CLSTN1: variants seen among roughly 807,000 people sequenced by gnomAD.
The protein encoded by CLSTN1 is calsyntenin-1.
CLSTN1 carries 28 observed loss-of-function variants against 108.3 expected under a neutral mutation model. The observed-to-expected ratio is 0.26, with a 90% confidence interval of 0.19 to 0.35. CLSTN1 has a LOEUF of 0.35. Ranked by LOEUF, CLSTN1 falls within the 10% of genes least tolerant of loss-of-function variation. CLSTN1 has a pLI of 1.00. For synonymous variants in CLSTN1, 524 were observed against 534.9 expected (o/e 0.98, Z 0.28); for missense variants, 1,157 against 1,302.6 (o/e 0.89, Z 1.72).
chr1:9,803,716 T>A (rs539864330), intron 1 of CLSTN1, among the ~76,000 whole-genome samples: 1 of 151,972 alleles, frequency 6.6e-6, no homozygotes, highest in African/African-American at 2.4e-5. Flanking sequence ...GGCACAAGAA[T>A]TGCTTGAACC....
chr1:9,735,927 C>T lies in CLSTN1; in HGVS notation c.1692G>A (p.Gly564=). The change falls in exon 12 of 19, where the codon GGG becomes GGA. Residue 564 remains glycine (G), a synonymous_variant. Coordinates refer to ENST00000377298, the MANE Select transcript of CLSTN1 (RefSeq NM_001009566.3). ...VIDCLYTCKE[G]LDLQVLEDSG... ...TGTCTTCGAGGACCTGCAGGTCCAG[C>T]CCCTCCTTGCAGGTATACAGACAGT... 1 of 1,614,192 alleles carries T rather than the reference C, an allele frequency of 6.2e-7. No homozygotes were observed. The highest frequency in any genetic ancestry group is 8.5e-7 in the Non-Finnish European group (1 of 1,180,046).
At position 9,749,586 on chromosome 1, in the gene CLSTN1, A is replaced by G. The variant is rs1651449732; in HGVS notation, c.860T>C (p.Ile287Thr). 6.2e-7 allele frequency: 1 copy of G among 1,614,122 alleles called. No homozygotes were observed. The highest frequency in any genetic ancestry group is 8.5e-7 in the Non-Finnish European group (1 of 1,180,020). Residue 287 changes from isoleucine to threonine, a missense_variant, in exon 7 of 19, where the codon ATC (isoleucine) becomes ACC (threonine). Ile to Thr is a moderately conservative substitution (Grantham distance 89). Transcript: ENST00000377298. Reference protein sequence around the residue: ...GTGALAVFPNIHLETCDEPVA... With the variant: ...GTGALAVFPNTHLETCDEPVA... ...TGGCTCGTCACATGTCTCCAGGTGG[A>G]TATTTGGAAAGACGGCCAACGCGCC...
In CLSTN1 at chr1:9,757,248, T is replaced by TTG. The variant is rs200838588; in HGVS notation, c.215-739_215-738insCA. 4.1e-3 allele frequency among the ~76,000 whole-genome samples: 628 copies of TTG among 151,602 alleles called. 10 individuals are homozygous for TTG. In the East Asian group the frequency reaches 0.042, roughly 10 times the overall value. On this transcript the variant is annotated intron_variant, in intron 2 of 18. Coordinates refer to ENST00000377298, the MANE Select transcript of CLSTN1 (RefSeq NM_001009566.3). ...AACAAAAATTTGGAGCAAAAGGTTTTTTTTTTTTTTTGAGATGGAGTCTTG... is the reference window on the plus strand; with the variant it reads ...AACAAAAATTTGGAGCAAAAGGTTTTTGTTTTTTTTTTTGAGATGGAGTCTTG...
At chr1:9,813,155 ACT>A (rs1269121430) in intron 1 of CLSTN1, among the ~76,000 whole-genome samples, 2 of 151,994 alleles carry the variant, frequency 1.3e-5, no homozygotes, top group South Asian at 2.1e-4. Context: ...ACAGGGCAAG[ACT>A]CTGTCTAATA....
At chr1:9,773,541 G>A (rs1163081814) in intron 1 of CLSTN1, 147 bp from the exon 2 acceptor site, 1 of 668,632 alleles carries the variant, frequency 1.5e-6, no homozygotes, top group Non-Finnish European at 2.3e-6. Flanking sequence ...GCAAAATTTG[G>A]TATCAAGACC....
chr1:9,774,942 T>C (rs1044521464), intron 1 of CLSTN1, among the ~76,000 whole-genome samples: 62 of 152,218 alleles, frequency 4.1e-4, no homozygotes, highest in Non-Finnish European at 7.2e-4. Context: ...TCCTCCCCAT[T>C]TTAGAGCACA....
intron 7 of CLSTN1, among the ~76,000 whole-genome samples, chr1:9,746,499 T>C (rs1434848006): frequency 6.6e-6 from 1 of 152,160 alleles, no homozygotes; most frequent in East Asian, 1.9e-4. Context: ...GCAGATCAAC[T>C]GAGGTCAAGA....
At chr1:9,735,427 AT>A (rs1410506360) in intron 13 of CLSTN1, 39 bp downstream of exon 13, 1 of 1,613,752 alleles carries the variant, frequency 6.2e-7, no homozygotes, top group African/African-American at 1.3e-5. Flanking sequence ...TACAAGTGTC[AT>A]TGGGCAAAAC....
At chr1:9,810,338 T>C (rs968390636) in intron 1 of CLSTN1, among the ~76,000 whole-genome samples, 1 of 145,988 alleles carries the variant, frequency 6.8e-6, no homozygotes, top group African/African-American at 2.5e-5. Context: ...TAGTCAGGTG[T>C]GGGAGTGTAC....
chr1:9,766,553 G>A lies in CLSTN1; in HGVS notation c.214+6719C>T, dbSNP rs1478657807. Among the ~76,000 whole-genome samples, 4 of 152,048 alleles carry A rather than the reference G, an allele frequency of 2.6e-5. No individual in the cohort carries two copies. In the East Asian group the frequency reaches 5.8e-4, roughly 22 times the overall value. ...TGCACGCCTGTGATCCCAGCTACTC[G>A]AGAGGCTGAGGCATGAGAATTGCTT... On this transcript the variant is annotated intron_variant, in intron 2 of 18. Transcript: ENST00000377298.
chr1:9,800,887 C>G (rs553717621), intron 1 of CLSTN1, among the ~76,000 whole-genome samples: 57 of 151,496 alleles, frequency 3.8e-4, no homozygotes, highest in Non-Finnish European at 7.7e-4. Flanking sequence ...TGCAGTGAGC[C>G]GAGATTGCAC....
At position 9,771,439 on chromosome 1, in the gene CLSTN1, C is replaced by A. The variant is rs538007016; in HGVS notation, c.214+1833G>T. On this transcript the variant is annotated intron_variant, in intron 2 of 18. Transcript: ENST00000377298. ...GACCAGCCTGGCCAATATGGTGAAACCCCATCTCTACTAAAAATACAAAAA... is the reference window on the plus strand; with the variant it reads ...GACCAGCCTGGCCAATATGGTGAAAACCCATCTCTACTAAAAATACAAAAA... Among the ~76,000 whole-genome samples, 183 of 152,200 alleles carry A rather than the reference C, an allele frequency of 1.2e-3. 2 individuals carry two copies. Among genetic ancestry groups the A allele is most frequent in the Middle Eastern group, 0.01 (3 of 294 alleles).
intron 1 of CLSTN1, among the ~76,000 whole-genome samples, chr1:9,815,841 C>T (rs1654947307): frequency 6.6e-6 from 1 of 152,154 alleles, no homozygotes; most frequent in Non-Finnish European, 1.5e-5. Context: ...GAGGCTGAGG[C>T]AGGAGAATCT....
chr1:9,732,943 C>T (rs944516079), intron 16 of CLSTN1, among the ~76,000 whole-genome samples: 21 of 152,350 alleles, frequency 1.4e-4, no homozygotes, highest in Non-Finnish European at 2.9e-4. Flanking sequence ...GTAATCCTAG[C>T]ACTTTTGGAG....
intron 1 of CLSTN1, among the ~76,000 whole-genome samples, chr1:9,779,302 G>A (rs1269004626): frequency 6.6e-6 from 1 of 152,286 alleles, no homozygotes; most frequent in Non-Finnish European, 1.5e-5. Context: ...GACGGGTGCA[G>A]TGGCTCATGC....
At chr1:9,792,848 A>T (rs1415287535) in intron 1 of CLSTN1, among the ~76,000 whole-genome samples, 1 of 151,234 alleles carries the variant, frequency 6.6e-6, no homozygotes, top group Non-Finnish European at 1.5e-5. Context: ...GCAGCTGTTC[A>T]TGTGTGAATG....
intron 1 of CLSTN1, among the ~76,000 whole-genome samples, chr1:9,814,899 CA>C (rs35955812): frequency 0.85 from 125,195 of 146,914 alleles, 53,649 homozygotes; most frequent in East Asian, 0.95. Flanking sequence ...GATCCTGTCT[CA>C]AAAAAAAAAA....
rs1650597871 is a variant in CLSTN1, at chr1:9,734,849, TC to T, written c.2110+98del. 1 of 1,014,328 alleles carries T rather than the reference TC, an allele frequency of 9.9e-7. No individual in the cohort carries two copies. Among genetic ancestry groups the T allele is most frequent in the African/African-American group, 1.6e-5 (1 of 61,652 alleles). The allele number at this position is 1,014,328 out of a possible 1,614,324, so 62.8% of individuals were successfully genotyped here. On this transcript the variant is annotated intron_variant, in intron 14 of 18. Coordinates refer to ENST00000377298, the MANE Select transcript of CLSTN1 (RefSeq NM_001009566.3). This position sits in a 1 kb window ranked among gnomAD's most constrained non-coding sequence, Gnocchi z 4.8. ...AGAACACCAACGAAAGATTAAAACC[TC>T]CCCAAATCCCACAGAGACAAAGAGC...
intron 1 of CLSTN1, among the ~76,000 whole-genome samples, chr1:9,807,014 G>C (rs532250499): frequency 2.0e-5 from 3 of 151,944 alleles, no homozygotes; most frequent in Non-Finnish European, 4.4e-5. Context: ...AAGGGCGTGG[G>C]GGGGGGTCTG....
Sources: gnomAD v4.1 joint callset for allele counts (sites outside exome capture counted in the v4.1 genomes callset) on GRCh38, gnomAD v4.1.1 for gene constraint, Gnocchi (gnomAD v3.1) non-coding constraint, MANE v1.5 for transcripts, NCBI Gene and HGNC (gene_info 2026-07-23, HGNC 2026-07-21) for gene names.